The following CORIN variants were observed in gnomAD, a reference collection of about 807,000 sequenced individuals.
CORIN encodes the protein corin, serine peptidase, also known as atrial natriuretic peptide-converting enzyme.
Under a neutral mutation model 125.3 loss-of-function variants are expected in CORIN, and 117 were observed. The observed-to-expected ratio is 0.93, with a 90% CI of 0.80 to 1.09. The LOEUF (loss-of-function observed/expected upper bound fraction) is 1.09. Among genes scored for constraint, CORIN ranks in the 50% least tolerant of loss-of-function variants. The pLI is 0.00. For synonymous variants in CORIN, 450 were observed against 466.4 expected (o/e 0.96, Z 0.45); for missense variants, 1,253 against 1,306.7 (o/e 0.96, Z 0.63).
rs554274347 is a variant in CORIN, at chr4:47,623,563, C to T, written c.2540+8G>A. ...CAGGCAAAGGAAAAAAGGAAAGGTG[C>T]AGCTTACCCCTCGAAGCAGTGGGCA... On this transcript the variant is annotated splice_region_variant and intron_variant, in intron 19 of 21. Coordinates refer to ENST00000273857, the MANE Select transcript of CORIN (RefSeq NM_006587.4). 2 of 1,612,924 alleles carry T rather than the reference C, an allele frequency of 1.2e-6. No individual in the cohort carries two copies.
intron 4 of CORIN, among the ~76,000 whole-genome samples, chr4:47,748,841 T>A (rs1264326381): frequency 6.6e-6 from 1 of 152,126 alleles, no homozygotes; most frequent in Admixed American, 6.5e-5. Context: ...CTGTTAAACT[T>A]ACAGAAAAGT....
At chr4:47,785,381 C>T (rs1652027438) in intron 3 of CORIN, among the ~76,000 whole-genome samples, 1 of 152,178 alleles carries the variant, frequency 6.6e-6, no homozygotes, top group South Asian at 2.1e-4. Context: ...CATCTGTCAC[C>T]TCTCACCAAC....
intron 4 of CORIN, among the ~76,000 whole-genome samples, chr4:47,754,457 G>GT (rs1216918390): frequency 6.6e-6 from 1 of 151,886 alleles, no homozygotes; most frequent in Non-Finnish European, 1.5e-5. Flanking sequence ...CATCTTTTTT[G>GT]TTTGACTACT....
chr4:47,711,582 TG>T (rs1726841550), intron 5 of CORIN, among the ~76,000 whole-genome samples: 1 of 152,234 alleles, frequency 6.6e-6, no homozygotes, highest in Non-Finnish European at 1.5e-5. Flanking sequence ...CCCAAGTCTT[TG>T]GATAATTTCA....
At chr4:47,685,749 T>C (rs1577826152) in intron 6 of CORIN, among the ~76,000 whole-genome samples, 1 of 152,004 alleles carries the variant, frequency 6.6e-6, no homozygotes, top group African/African-American at 2.4e-5. Flanking sequence ...ATTTCCCTTA[T>C]TTAAAGTAAA....
At chr4:47,738,186 C>T (rs59546725) in intron 5 of CORIN, among the ~76,000 whole-genome samples, 7,100 of 151,950 alleles carry the variant, frequency 0.047, 503 homozygotes, top group African/African-American at 0.16. Flanking sequence ...ATGCATATAC[C>T]TAAGAAGGAC....
intron 5 of CORIN, among the ~76,000 whole-genome samples, chr4:47,728,250 G>C (rs1031190286): frequency 9.2e-5 from 14 of 152,068 alleles, no homozygotes; most frequent in African/African-American, 3.4e-4. Flanking sequence ...TAGGATGTCT[G>C]AATTACTAGA....
chr4:47,766,965 AG>A (rs1209424013), intron 3 of CORIN, among the ~76,000 whole-genome samples: 6 of 150,694 alleles, frequency 4.0e-5, no homozygotes, highest in Admixed American at 1.3e-4. Flanking sequence ...AAAAAAAAAA[AG>A]GTACAACTAT....
Position 47,665,078 on chromosome 4 carries a change from C to G in CORIN, c.1543G>C (p.Val515Leu). 3 of 1,613,592 alleles carry G rather than the reference C, an allele frequency of 1.9e-6. No homozygotes were observed. Among genetic ancestry groups the G allele is most frequent in the Non-Finnish European group, 2.5e-6 (3 of 1,179,676 alleles). ...CCTGTATTCACATCACATTTTGGTA[C>G]CAAAATGGTGCAAGAAAAGAACATG... ...YLMFFSCTIL[V>L]PKCDVNTGEH... The change falls in exon 11 of 22, where the codon GTA becomes CTA. Residue 515 changes from valine (V) to leucine (L), a missense_variant. By Grantham distance (32) the Val-to-Leu change is conservative. Transcript: ENST00000273857.
chr4:47,653,955 G>A (rs1032502426), intron 12 of CORIN, among the ~76,000 whole-genome samples: 5 of 152,324 alleles, frequency 3.3e-5, no homozygotes, highest in African/African-American at 1.2e-4. Context: ...GCCTTGTGCA[G>A]TCAGTGCTCC....
Position 47,786,825 on chromosome 4 carries a change from ATAAATTGTATT to A in CORIN, c.298_308del (p.Asn100Ter). The stretch of plus-strand genomic sequence containing the variant: ...CAGTAGACACCACAGTGCTCTGGTT[ATAAATTGTATT>A]TGTAAGAATAACATCGGACCCTTGG... On this transcript the variant is annotated frameshift_variant, in exon 3 of 22. Transcript: ENST00000273857. LOFTEE classifies it high-confidence loss of function. 2 of 1,614,096 alleles carry A rather than the reference ATAAATTGTATT, an allele frequency of 1.2e-6. No homozygotes were observed. Among genetic ancestry groups the A allele is most frequent in the Non-Finnish European group, 1.7e-6 (2 of 1,179,934 alleles).
intron 6 of CORIN, among the ~76,000 whole-genome samples, chr4:47,685,371 T>C (rs945848450): frequency 1.7e-4 from 26 of 152,190 alleles, no homozygotes; most frequent in Admixed American, 2.6e-4. Context: ...ACAGTATGGA[T>C]GAACCCCAAA....
chr4:47,623,761 A>T lies in CORIN; in HGVS notation c.2366-16T>A. 6 of 1,613,554 alleles carry T rather than the reference A, an allele frequency of 3.7e-6. No homozygotes were observed. In the African/African-American group the frequency reaches 6.7e-5, roughly 18 times the overall value. On this transcript the variant is annotated splice_polypyrimidine_tract_variant and intron_variant, in intron 18 of 21. Transcript: ENST00000273857. ...CGCCCACAGTCTACCAAGGAGCAGA[A>T]GACACAGTTTGTGAGTTGATGCCAA... is the stretch of plus-strand genomic sequence containing the variant.
At chr4:47,612,390 T>C (rs1721904516) in intron 19 of CORIN, among the ~76,000 whole-genome samples, 1 of 152,202 alleles carries the variant, frequency 6.6e-6, no homozygotes, top group South Asian at 2.1e-4. Context: ...CTGGATTTTA[T>C]GCAAAGTATC....
intron 1 of CORIN, among the ~76,000 whole-genome samples, chr4:47,809,712 T>C (rs189908259): frequency 8.7e-4 from 133 of 152,226 alleles, no homozygotes; most frequent in African/African-American, 3.0e-3. Flanking sequence ...AGCCAGAGAA[T>C]TGATTGCTTT....
At chr4:47,755,491 G>A (rs115183853) in intron 4 of CORIN, among the ~76,000 whole-genome samples, 40 of 152,178 alleles carry the variant, frequency 2.6e-4, no homozygotes, top group African/African-American at 8.4e-4. Context: ...AAACTTTAAT[G>A]CTAAAATTTT....
At chr4:47,641,836 C>T in intron 16 of CORIN, 84 bp downstream of exon 16, 1 of 1,498,290 alleles carries the variant, frequency 6.7e-7, no homozygotes, top group Non-Finnish European at 9.1e-7. Flanking sequence ...CACTAACTCT[C>T]TGTGCATCCT....
intron 3 of CORIN, among the ~76,000 whole-genome samples, chr4:47,779,043 T>C (rs953319259): frequency 6.6e-6 from 1 of 152,190 alleles, no homozygotes; most frequent in Non-Finnish European, 1.5e-5. Context: ...AACACCCAAC[T>C]GAAATTTAGT....
At chr4:47,809,488 T>TCC (rs1199660400) in intron 1 of CORIN, among the ~76,000 whole-genome samples, 1 of 138,476 alleles carries the variant, frequency 7.2e-6, no homozygotes, top group Non-Finnish European at 1.5e-5. Context: ...CACTGCAACC[T>TCC]CCGCCTTCCA....
Sources: gnomAD v4.1 joint callset for allele counts (sites outside exome capture counted in the v4.1 genomes callset) on GRCh38, gnomAD v4.1.1 for gene constraint, MANE v1.5 for transcripts, NCBI Gene and HGNC (gene_info 2026-07-23, HGNC 2026-07-21) for gene names.